Variants in EVC2 observed in about 807,000 individuals in gnomAD.
The protein encoded by EVC2 is limbin.
Under a neutral mutation model 149.3 loss-of-function variants are expected in EVC2, and 148 were observed. The ratio of observed to expected loss-of-function variants is 0.99; its 90% CI spans 0.87 to 1.14. The LOEUF (loss-of-function observed/expected upper bound fraction) is 1.14. Among genes scored for constraint, EVC2 ranks in the 50% most tolerant of loss-of-function variants. EVC2 has a pLI of 0.00. For synonymous variants in EVC2, 776 were observed against 649.9 expected, an observed-to-expected ratio of 1.19 and a Z score of -2.95; for missense variants, 1,854 against 1,627.3, an observed-to-expected ratio of 1.14 and a Z score of -2.40.
intron 17 of EVC2, among the ~76,000 whole-genome samples, chr4:5,584,097 T>C (rs1712048550): frequency 6.6e-6 from 1 of 152,232 alleles, no homozygotes; most frequent in East Asian, 1.9e-4. Flanking sequence ...TTCCTTATTA[T>C]AAGTAATTAT....
rs763770727 is a variant in EVC2, at chr4:5,694,323, C to T, written c.450+12G>A. On this transcript the variant is annotated intron_variant, in intron 3 of 21. Transcript: ENST00000344408. ...CTGGTATTTGTGTTAAAGCATTGAA[C>T]TTAATACTTACCAGGCGGTGTGTTA... The T allele has an allele frequency of 1.2e-6, 2 of 1,613,258 alleles. No homozygotes were observed. The highest frequency in any genetic ancestry group is 1.7e-6 in the Non-Finnish European group (2 of 1,179,496).
At chr4:5,589,118 G>C (rs1035592986) in intron 16 of EVC2, among the ~76,000 whole-genome samples, 25 of 152,186 alleles carry the variant, frequency 1.6e-4, no homozygotes, top group African/African-American at 5.8e-4. Context: ...AGATATTTTT[G>C]TGTTTCTATA....
intron 1 of EVC2, among the ~76,000 whole-genome samples, chr4:5,706,357 C>CATAGATAGATAG (rs1218313634): frequency 7.5e-4 from 3 of 4,020 alleles, no homozygotes; most frequent in African/African-American, 1.6e-3. Flanking sequence ...TAGATAGACA[C>CATAGATAGATAG]ATAGATAGAT....
At position 5,636,509 on chromosome 4, in the gene EVC2, C is replaced by G. The variant is rs1716899112; in HGVS notation, c.1470+4005G>C. 6.6e-6 allele frequency among the ~76,000 whole-genome samples: 1 copy of G among 152,152 alleles called. No individual in the cohort carries two copies. The highest frequency in any genetic ancestry group is 1.5e-5 in the Non-Finnish European group (1 of 68,046). Reference sequence around the variant, plus strand: ...ATGCATTTATACAAACTATTTATAACTACATAACATTTACATTGTATTAGG... The same window carrying G: ...ATGCATTTATACAAACTATTTATAAGTACATAACATTTACATTGTATTAGG... On this transcript the variant is annotated intron_variant, in intron 10 of 21. Transcript: ENST00000344408. This position sits in a 1 kb window ranked among gnomAD's most constrained non-coding sequence, Gnocchi z 4.6.
chr4:5,622,994 G>T lies in EVC2; in HGVS notation c.2047-3C>A, dbSNP rs1715832709. ...TGCTCCCTACGCTGCTCCCTGTGCT[G>T]GAGTTTCAGAAAAGAAAATTAAGTG... is the stretch of plus-strand genomic sequence containing the variant. On this transcript the variant is annotated splice_region_variant and splice_polypyrimidine_tract_variant and intron_variant, in intron 13 of 21. Coordinates refer to ENST00000344408, the MANE Select transcript of EVC2 (RefSeq NM_147127.5). The surrounding 1 kb of genome is among the most constrained non-coding windows in gnomAD (Gnocchi z 5.8). The T allele has an allele frequency of 6.2e-7, 1 of 1,613,660 alleles. No homozygotes were observed. The highest frequency in any genetic ancestry group is 8.5e-7 in the Non-Finnish European group (1 of 1,179,928).
At chr4:5,652,071 C>T (rs1045461006) in intron 9 of EVC2, among the ~76,000 whole-genome samples, 1 of 152,198 alleles carries the variant, frequency 6.6e-6, no homozygotes, top group African/African-American at 2.4e-5. Flanking sequence ...GGCTTTTCAG[C>T]ACATGTGACC....
intron 6 of EVC2, among the ~76,000 whole-genome samples, chr4:5,683,168 T>C (rs1311196357): frequency 6.6e-6 from 1 of 152,226 alleles, no homozygotes; most frequent in Non-Finnish European, 1.5e-5. Context: ...AATATGACTC[T>C]AAAGAAGAGA....
At chr4:5,644,906 A>T (rs1717599438) in intron 9 of EVC2, among the ~76,000 whole-genome samples, 1 of 152,206 alleles carries the variant, frequency 6.6e-6, no homozygotes, top group African/African-American at 2.4e-5. Context: ...TATTTATACC[A>T]TATTTTCTTT....
chr4:5,700,639 C>T (rs1721764895), intron 1 of EVC2, among the ~76,000 whole-genome samples: 1 of 152,198 alleles, frequency 6.6e-6, no homozygotes, highest in Non-Finnish European at 1.5e-5. Flanking sequence ...GGTTTCTGGG[C>T]ATCTCTGATT....
intron 1 of EVC2, 112 bp from the exon 2 acceptor site, chr4:5,697,759 T>G: frequency 1.0e-6 from 1 of 996,130 alleles, no homozygotes; most frequent in Non-Finnish European, 1.5e-6. Flanking sequence ...TTTTTTTTTT[T>G]TTCTGAGACA....
intron 9 of EVC2, among the ~76,000 whole-genome samples, chr4:5,641,773 A>G (rs1167699552): frequency 1.3e-5 from 2 of 152,186 alleles, no homozygotes; most frequent in African/African-American, 2.4e-5. Context: ...TAGTTATTTT[A>G]TTATTATTTT....
intron 16 of EVC2, 22 bp from the exon 17 acceptor site, chr4:5,584,872 C>G (rs750915970): frequency 1.9e-6 from 3 of 1,613,318 alleles, no homozygotes; most frequent in Non-Finnish European, 2.5e-6. Flanking sequence ...CAGGGATGGA[C>G]CCAAACCCAG....
chr4:5,543,351 G>C, intron 21 of EVC2: 1 of 408,124 alleles, frequency 2.5e-6, no homozygotes, highest in Non-Finnish European at 4.3e-6. Flanking sequence ...GAAGATCAGG[G>C]TTAAATTCTC....
At chr4:5,602,311 A>C (rs1446964088) in intron 16 of EVC2, among the ~76,000 whole-genome samples, 1 of 150,414 alleles carries the variant, frequency 6.6e-6, no homozygotes, top group African/African-American at 2.4e-5. Context: ...AAAAAAAAAA[A>C]AAAGTAAAAA....
chr4:5,666,680 T>C (rs1719305250), intron 7 of EVC2, among the ~76,000 whole-genome samples: 1 of 152,222 alleles, frequency 6.6e-6, no homozygotes, highest in South Asian at 2.1e-4. Context: ...TTTTCTGGTA[T>C]CATAGAGAGC....
At chr4:5,543,024 A>G in intron 22 of EVC2, 1 of 699,294 alleles carries the variant, frequency 1.4e-6, no homozygotes, top group East Asian at 6.5e-5. Context: ...GCAGAGCAGA[A>G]TTCTGTATTT....
rs181759692 is a variant in EVC2, at chr4:5,637,254, C to T, written c.1470+3260G>A. On this transcript the variant is annotated intron_variant, in intron 10 of 21. Transcript: ENST00000344408. The surrounding 1 kb of genome is among the most constrained non-coding windows in gnomAD (Gnocchi z 4.4). ...GAAACATTCTAGGTGCCCCACAGGA[C>T]GGGTTCACATGGGGCGCACAGCAGG... Among the ~76,000 whole-genome samples, 41 of 152,292 alleles carry T rather than the reference C, an allele frequency of 2.7e-4. No individual in the cohort carries two copies. Among genetic ancestry groups the T allele is most frequent in the East Asian group, 1.7e-3 (9 of 5,178 alleles).
Position 5,691,632 on chromosome 4 carries a change from C to T in EVC2, c.451-299G>A, listed in dbSNP as rs28531831. Among the ~76,000 whole-genome samples the T allele has an allele frequency of 0.34, 51,933 of 151,930 alleles. 9,269 individuals carry two copies. Among genetic ancestry groups the T allele is most frequent in the Non-Finnish European group, 0.39 (26,334 of 67,928 alleles). On this transcript the variant is annotated intron_variant, in intron 3 of 21. Transcript: ENST00000344408. ...AAGACTGACATACCAGCAAGGGGGA[C>T]GTGGGCAGAGCAGTGAAGATATCAT...
downstream of EVC2, among the ~76,000 whole-genome samples, chr4:5,558,404 G>C (rs1577090572): frequency 6.6e-6 from 1 of 152,204 alleles, no homozygotes; most frequent in African/African-American, 2.4e-5. Context: ...ACAGGAAGTT[G>C]TTTAGGGTAG....
Sources: allele counts gnomAD v4.1 joint callset (sites outside exome capture counted in the v4.1 genomes callset), GRCh38; gene constraint gnomAD v4.1.1; non-coding constraint Gnocchi (gnomAD v3.1); transcripts MANE v1.5; gene names NCBI Gene and HGNC (gene_info 2026-07-23, HGNC 2026-07-21).